Variants in MAP3K5 observed in about 807,000 individuals in gnomAD.
The protein encoded by MAP3K5 is ASK-1.
In MAP3K5, 56 loss-of-function variants were observed where a neutral mutation model predicts 158.7. The ratio of observed to expected loss-of-function variants is 0.35; its 90% confidence interval spans 0.28 to 0.44. The LOEUF is 0.44. Ranked by LOEUF, MAP3K5 falls within the 20% of genes least tolerant of loss-of-function variation. MAP3K5 has a pLI of 1.00. For synonymous variants in MAP3K5, 579 were observed against 601.7 expected (o/e 0.96, Z 0.55); for missense variants, 1,294 against 1,674.8 (o/e 0.77, Z 3.97).
At chr6:136,642,474 G>C (rs1239825659) in intron 12 of MAP3K5, 46 bp downstream of exon 12, 1 of 1,312,812 alleles carries the variant, frequency 7.6e-7, no homozygotes, top group East Asian at 2.3e-5. Flanking sequence ...ATGAATAGTG[G>C]AGAAAAATGT....
chr6:136,690,759 T>C (rs1437635893), intron 7 of MAP3K5, among the ~76,000 whole-genome samples: 3 of 152,190 alleles, frequency 2.0e-5, no homozygotes, highest in African/African-American at 7.2e-5. Context: ...TCTTTGTTGA[T>C]GGTATCTTTT....
At chr6:136,621,060 A>G (rs1361677688) in intron 15 of MAP3K5, among the ~76,000 whole-genome samples, 1 of 152,228 alleles carries the variant, frequency 6.6e-6, no homozygotes, top group Non-Finnish European at 1.5e-5. Flanking sequence ...TTTGATGGCA[A>G]AAATGTATAT....
chr6:136,586,388 CT>C (rs1311379137), intron 23 of MAP3K5, among the ~76,000 whole-genome samples: 34 of 152,288 alleles, frequency 2.2e-4, no homozygotes, highest in African/African-American at 7.7e-4. Flanking sequence ...CATGTTGCTT[CT>C]GGTTTTTTGA....
chr6:136,614,798 T>G (rs1776494330), intron 15 of MAP3K5, among the ~76,000 whole-genome samples: 1 of 152,202 alleles, frequency 6.6e-6, no homozygotes, highest in African/African-American at 2.4e-5. Flanking sequence ...AAAACTTGCA[T>G]AATGTACATT....
chr6:136,647,318 C>G (rs151192637), intron 11 of MAP3K5, among the ~76,000 whole-genome samples: 63 of 152,324 alleles, frequency 4.1e-4, no homozygotes, highest in African/African-American at 1.4e-3. Context: ...TTAATCTTCA[C>G]AACAATTCTA....
In MAP3K5 at chr6:136,772,549, G is replaced by A. The variant is rs537457828; in HGVS notation, c.448+19161C>T. ...TGAATGAATGCACATACAGTAGTGA[G>A]ACAATGCAGGTTAATCCAGGGTTTA... On this transcript the variant is annotated intron_variant, in intron 1 of 29. Coordinates refer to ENST00000359015, the MANE Select transcript of MAP3K5 (RefSeq NM_005923.4). Among the ~76,000 whole-genome samples, 6 of 152,220 alleles carry A rather than the reference G, an allele frequency of 3.9e-5. No homozygotes were observed. In the East Asian group the frequency reaches 1.2e-3, roughly 29 times the overall value.
At chr6:136,664,062 G>A (rs907936491) in intron 8 of MAP3K5, among the ~76,000 whole-genome samples, 1 of 152,122 alleles carries the variant, frequency 6.6e-6, no homozygotes, top group Non-Finnish European at 1.5e-5. Context: ...GGCCACACAC[G>A]GGAGGTGAGT....
chr6:136,598,338 C>T (rs1420866770), intron 21 of MAP3K5, among the ~76,000 whole-genome samples: 1 of 152,242 alleles, frequency 6.6e-6, no homozygotes, highest in Non-Finnish European at 1.5e-5. Flanking sequence ...ACAGCATTCT[C>T]AGACTGACTT....
In MAP3K5 at chr6:136,729,780, G is replaced by A. The variant is rs141614614; in HGVS notation, c.449-9191C>T. Among the ~76,000 whole-genome samples, 337 of 152,320 alleles carry A rather than the reference G, an allele frequency of 2.2e-3. 5 individuals are homozygous for A. Among genetic ancestry groups the A allele is most frequent in the Admixed American group, 0.016 (252 of 15,304 alleles). The stretch of plus-strand genomic sequence containing the variant: ...AGATGGATGATAGACTACACAGACC[G>A]GGGGCTGGGAGATTGTGTGGGAGTC... On this transcript the variant is annotated intron_variant, in intron 1 of 29. Transcript: ENST00000359015.
chr6:136,560,178 C>A (rs1199359928), intron 28 of MAP3K5, among the ~76,000 whole-genome samples: 1 of 152,136 alleles, frequency 6.6e-6, no homozygotes, highest in Admixed American at 6.5e-5. Context: ...GCTATTCACG[C>A]TCATTACAAA....
At chr6:136,740,543 G>A (rs965484198) in intron 1 of MAP3K5, among the ~76,000 whole-genome samples, 26 of 152,016 alleles carry the variant, frequency 1.7e-4, no homozygotes, top group Non-Finnish European at 3.4e-4. Context: ...AAACCAGGTC[G>A]TCATATCTGA....
chr6:136,705,625 G>A (rs1322390608), intron 2 of MAP3K5, among the ~76,000 whole-genome samples: 6 of 152,068 alleles, frequency 3.9e-5, no homozygotes, highest in Non-Finnish European at 5.9e-5. Context: ...TACAATCTGC[G>A]GAGGAGACAG....
At position 136,609,885 on chromosome 6, in the gene MAP3K5, G is replaced by A. The variant is rs1279390382; in HGVS notation, c.2521+1397C>T. On this transcript the variant is annotated intron_variant, in intron 18 of 29. Transcript: ENST00000359015. The surrounding 1 kb of genome is among the most constrained non-coding windows in gnomAD (Gnocchi z 4.4). ...GGGGTGGGTGGACTGCTTAAACCCA[G>A]GAGTTCAAGACCAGCCTGGGCAACA... is the stretch of plus-strand genomic sequence containing the variant. Among the ~76,000 whole-genome samples, 1 of 150,408 alleles carries A rather than the reference G, an allele frequency of 6.6e-6. No homozygotes were observed. Among genetic ancestry groups the A allele is most frequent in the Non-Finnish European group, 1.5e-5 (1 of 67,680 alleles).
intron 1 of MAP3K5, among the ~76,000 whole-genome samples, chr6:136,760,390 C>T (rs1243230623): frequency 6.6e-6 from 1 of 152,064 alleles, no homozygotes; most frequent in South Asian, 2.1e-4. Flanking sequence ...TGGGCCATAA[C>T]AACTAAAAGA....
chr6:136,573,586 A>G lies in MAP3K5; in HGVS notation c.3518-5712T>C, dbSNP rs1774465888. ...GACTGAATCCAGTGGTAGTTTACTC[A>G]CTCACTAAGGGATTCATGGAGGCTG... On this transcript the variant is annotated intron_variant, in intron 25 of 29. Coordinates refer to ENST00000359015, the MANE Select transcript of MAP3K5 (RefSeq NM_005923.4). Among the ~76,000 whole-genome samples the G allele has an allele frequency of 2.0e-5, 3 of 152,298 alleles. No individual in the cohort carries two copies. In the East Asian group the frequency reaches 5.8e-4, roughly 29 times the overall value.
intron 23 of MAP3K5, among the ~76,000 whole-genome samples, chr6:136,586,164 GT>G (rs1775131855): frequency 1.3e-5 from 2 of 152,302 alleles, no homozygotes; most frequent in Admixed American, 1.3e-4. Context: ...AACTTTGTTG[GT>G]TTTTTCCTTA....
intron 4 of MAP3K5, among the ~76,000 whole-genome samples, chr6:136,698,048 T>C (rs904045092): frequency 1.3e-5 from 2 of 152,244 alleles, no homozygotes; most frequent in African/African-American, 4.8e-5. Context: ...CTGGCCGTGA[T>C]GTACCTATGA....
chr6:136,769,738 G>GAGAAGGAAGGAA (rs1784100321), intron 1 of MAP3K5, among the ~76,000 whole-genome samples: 1 of 52,288 alleles, frequency 1.9e-5, no homozygotes, highest in African/African-American at 9.7e-5. Flanking sequence ...AAGGGAGGAA[G>GAGAAGGAAGGAA]GGAAGGAAGG....
intron 2 of MAP3K5, among the ~76,000 whole-genome samples, chr6:136,706,512 G>A (rs1583452189): frequency 6.6e-6 from 1 of 152,158 alleles, no homozygotes; most frequent in African/African-American, 2.4e-5. Context: ...TTAGAAAAGG[G>A]AAAAGGGAAC....
Sources: gnomAD v4.1 joint callset for allele counts (sites outside exome capture counted in the v4.1 genomes callset) on GRCh38, gnomAD v4.1.1 for gene constraint, Gnocchi (gnomAD v3.1) non-coding constraint, MANE v1.5 for transcripts, NCBI Gene and HGNC (gene_info 2026-07-23, HGNC 2026-07-21) for gene names.